GPM6B: variants seen among roughly 807,000 people sequenced by gnomAD.
GPM6B encodes the protein neuronal membrane glycoprotein M6-b.
GPM6B carries 4 observed loss-of-function variants against 27.2 expected under a neutral mutation model. That is an observed-to-expected ratio of 0.15 (90% CI 0.07 to 0.34). The LOEUF (loss-of-function observed/expected upper bound fraction) is 0.34, where lower values mean the gene tolerates loss of function less well. Among genes scored for constraint, GPM6B ranks in the 10% least tolerant of loss-of-function variants. The pLI, the probability that GPM6B is intolerant of heterozygous loss-of-function variation, is 1.00. For missense variants in GPM6B, 183 were observed against 261.9 expected (o/e 0.70, Z 2.08); for synonymous variants, 124 against 103.1 (o/e 1.20, Z -1.23).
intron 1 of GPM6B, among the ~76,000 whole-genome samples, chrX:13,934,743 G>A (rs1921743794): frequency 8.9e-6 from 1 of 111,911 alleles, no homozygotes; most frequent in Admixed American, 9.5e-5. Flanking sequence ...TTACATATTG[G>A]TTGACCTGTA....
intron 1 of GPM6B, among the ~76,000 whole-genome samples, chrX:13,907,084 T>G (rs914999020): frequency 2.7e-5 from 3 of 112,630 alleles, no homozygotes; most frequent in African/African-American, 9.7e-5. Flanking sequence ...TACAGATTAA[T>G]TAGGGTGTAA....
intron 1 of GPM6B, among the ~76,000 whole-genome samples, chrX:13,870,505 A>G (rs2049964019): frequency 8.9e-6 from 1 of 112,003 alleles, no homozygotes. Flanking sequence ...CAGTGGCCCT[A>G]CTTTGAAGGA....
At chrX:13,785,011 C>A (rs1465077359) in intron 3 of GPM6B, among the ~76,000 whole-genome samples, 1 of 111,424 alleles carries the variant, frequency 9.0e-6, no homozygotes, top group Non-Finnish European at 1.9e-5. Context: ...TCTGTTGAGA[C>A]AATCGGCAGC....
chrX:13,805,115 G>A (rs2048998963), intron 2 of GPM6B, among the ~76,000 whole-genome samples: 1 of 111,655 alleles, frequency 9.0e-6, no homozygotes, highest in African/African-American at 3.3e-5. Context: ...ATGTGTAGGT[G>A]GAGATTGTTT....
chrX:13,918,865 C>T (rs986214102), intron 1 of GPM6B, among the ~76,000 whole-genome samples: 1 of 111,785 alleles, frequency 8.9e-6, no homozygotes, highest in Non-Finnish European at 1.9e-5. Context: ...GGTGCTAAAC[C>T]ATTCATGACA....
chrX:13,891,772 T>C (rs1383968201), intron 1 of GPM6B, among the ~76,000 whole-genome samples: 5 of 111,755 alleles, frequency 4.5e-5, no homozygotes, highest in Non-Finnish European at 9.4e-5. Flanking sequence ...GCAGTGAGGC[T>C]GGAGGAAGGC....
chrX:13,898,622 T>C (rs1035751786), intron 1 of GPM6B, among the ~76,000 whole-genome samples: 2 of 112,867 alleles, frequency 1.8e-5, no homozygotes. Context: ...AGAAAGATGA[T>C]GATTTGGAGC....
intron 1 of GPM6B, chrX:13,813,012 C>T (rs1369770269): frequency 9.0e-6 from 1 of 111,374 alleles, no homozygotes. Flanking sequence ...TCCCCAGACA[C>T]CAACTCTTCA....
chrX:13,779,298 T>C (rs1262878244), intron 5 of GPM6B, among the ~76,000 whole-genome samples: 1 of 112,415 alleles, frequency 8.9e-6, no homozygotes, highest in African/African-American at 3.2e-5. Flanking sequence ...TAATGATTTA[T>C]AGAGTATGTT....
intron 2 of GPM6B, among the ~76,000 whole-genome samples, chrX:13,807,304 G>T (rs748445022): frequency 2.7e-5 from 3 of 111,762 alleles, no homozygotes; most frequent in Non-Finnish European, 5.6e-5. Flanking sequence ...GGATGTGGGT[G>T]GCCCCCCTCC....
intron 1 of GPM6B, among the ~76,000 whole-genome samples, chrX:13,841,149 GCA>G (rs779030714): frequency 8.9e-6 from 1 of 111,802 alleles, no homozygotes; most frequent in South Asian, 3.7e-4. Flanking sequence ...ATGTATCCAT[GCA>G]CATATACACA....
At chrX:13,800,635 AATACATATACAGGTTGAACAT>A (rs1430301285) in intron 2 of GPM6B, among the ~76,000 whole-genome samples, 2 of 112,115 alleles carry the variant, frequency 1.8e-5, no homozygotes, top group East Asian at 5.5e-4. Flanking sequence ...CTTAACTGTA[AATACATATACAGGTTGAACAT>A]ATACATACAC....
chrX:13,912,603 A>C (rs980742462), intron 1 of GPM6B, among the ~76,000 whole-genome samples: 1 of 112,327 alleles, frequency 8.9e-6, no homozygotes, highest in Non-Finnish European at 1.9e-5. Flanking sequence ...ATTTGAAAAA[A>C]AAAATTAAAA....
intron 2 of GPM6B, among the ~76,000 whole-genome samples, chrX:13,804,420 G>T (rs888038589): frequency 1.4e-4 from 11 of 80,456 alleles, no homozygotes; most frequent in Non-Finnish European, 9.6e-5. Flanking sequence ...TGGACGGCGG[G>T]GGGGGCGGGG....
intron 2 of GPM6B, among the ~76,000 whole-genome samples, chrX:13,798,124 C>T (rs1421857500): frequency 9.0e-6 from 1 of 110,894 alleles, no homozygotes; most frequent in African/African-American, 3.3e-5. Flanking sequence ...ATATCAATTA[C>T]ACCACAAGAA....
intron 2 of GPM6B, 28 bp from the exon 3 acceptor site, chrX:13,785,836 C>T (rs1291132925): frequency 6.1e-6 from 7 of 1,140,849 alleles, no homozygotes; most frequent in Non-Finnish European, 8.3e-6. Flanking sequence ...AAAATATAGC[C>T]GTTACGGGCA....
chrX:13,781,718 G>A (rs1359083005), intron 4 of GPM6B, among the ~76,000 whole-genome samples: 3 of 111,652 alleles, frequency 2.7e-5, no homozygotes, highest in Non-Finnish European at 5.6e-5. Context: ...CTTTCTGGAC[G>A]GAACCAATGT....
At chrX:13,880,764 T>A (rs1044553577) in intron 1 of GPM6B, among the ~76,000 whole-genome samples, 1 of 109,402 alleles carries the variant, frequency 9.1e-6, no homozygotes, top group Non-Finnish European at 1.9e-5. Context: ...AAACTCTTTA[T>A]CAAGCTCTGC....
intron 1 of GPM6B, among the ~76,000 whole-genome samples, chrX:13,854,185 C>T (rs1252246882): frequency 9.0e-6 from 1 of 111,721 alleles, no homozygotes; most frequent in Admixed American, 9.5e-5. Flanking sequence ...CCATTTGAAA[C>T]CAACTGTGGC....
Sources: allele counts gnomAD v4.1 joint callset (sites outside exome capture counted in the v4.1 genomes callset), GRCh38; gene constraint gnomAD v4.1.1; transcripts MANE v1.5; gene names NCBI Gene and HGNC (gene_info 2026-07-23, HGNC 2026-07-21).